The following CDT1 variants were observed in gnomAD, a reference collection of about 807,000 sequenced individuals.
CDT1 encodes DNA replication factor Cdt1.
CDT1 carries 66 observed loss-of-function variants against 49.3 expected under a neutral mutation model. That is an observed-to-expected ratio of 1.34 (90% CI 1.10 to 1.64). CDT1 has a LOEUF of 1.64. CDT1 is among the 40% of genes most tolerant of loss of function. The pLI is 0.00. For missense variants in CDT1, 958 were observed against 807.7 expected (o/e 1.19, Z -2.26); for synonymous variants, 424 against 347.4 (o/e 1.22, Z -2.45).
intron 1 of CDT1, 43 bp from the exon 2 acceptor site, chr16:88,804,502 C>A: frequency 6.2e-7 from 1 of 1,600,804 alleles, no homozygotes; most frequent in African/African-American, 1.3e-5. Context: ...GCCAGGAGCA[C>A]CAGGTCTTGT....
chr16:88,805,413 C>A (rs116067876), intron 3 of CDT1, 27 bp from the exon 4 acceptor site: 3 of 1,611,526 alleles, frequency 1.9e-6, no homozygotes, highest in Non-Finnish European at 2.5e-6. Flanking sequence ...CCTACTGCTT[C>A]TCATGAGGCT....
intron 3 of CDT1, 143 bp from the exon 4 acceptor site, chr16:88,805,297 C>A: frequency 1.1e-6 from 1 of 947,708 alleles, no homozygotes; most frequent in Non-Finnish European, 1.6e-6. Context: ...GGTGCCAGTG[C>A]TGGTGGGTGT....
In CDT1 at chr16:88,807,371, G is replaced by C. The variant is rs776599320; in HGVS notation, c.1366G>C (p.Glu456Gln). The change falls in exon 9 of 10, where the codon GAG (glutamate) becomes CAG (glutamine). Residue 456 changes from glutamate to glutamine, a missense_variant. By Grantham distance (29) the Glu-to-Gln change is conservative. Transcript: ENST00000301019. ...QRLQRLERLP[E>Q]LARVLRSVFV... ...GCTGCAGCGCTTAGAACGGCTGCCTGAGCTGGCCCGCGTGCTGCGGAGCGT... is the reference window on the plus strand; with the variant it reads ...GCTGCAGCGCTTAGAACGGCTGCCTCAGCTGGCCCGCGTGCTGCGGAGCGT... 6.2e-7 allele frequency: 1 copy of C among 1,612,650 alleles called. No homozygotes were observed. Among genetic ancestry groups the C allele is most frequent in the Non-Finnish European group, 8.5e-7 (1 of 1,179,952 alleles).
At chr16:88,806,942 A>G (rs1908878713) in intron 7 of CDT1, 109 bp from the exon 8 acceptor site, 7 of 1,442,104 alleles carry the variant, frequency 4.9e-6, no homozygotes, top group Non-Finnish European at 6.8e-6. Context: ...CAGACCACCC[A>G]GTGTGCTGGG....
chr16:88,804,782 G>A lies in CDT1; in HGVS notation c.372G>A (p.Ala124=). The A allele has an allele frequency of 6.2e-7, 1 of 1,612,850 alleles. No homozygotes were observed. Among genetic ancestry groups the A allele is most frequent in the Non-Finnish European group, 8.5e-7 (1 of 1,179,884 alleles). Residue 124 remains alanine (A), a synonymous_variant, in exon 3 of 10, where the codon GCG becomes GCA. Transcript: ENST00000301019. ...AQDQDTISEL[A]SCLQRARELG... is the part of the protein sequence containing the mutation. ...TGAAGGACACCATCTCTGAGCTTGCGTCATGCCTGCAACGGGCCCGGGAGC... is the reference window on the plus strand; with the variant it reads ...TGAAGGACACCATCTCTGAGCTTGCATCATGCCTGCAACGGGCCCGGGAGC...
At position 88,807,330 on chromosome 16, in the gene CDT1, C is replaced by G. The variant is rs200199040; in HGVS notation, c.1325C>G (p.Pro442Arg). 2 of 1,612,584 alleles carry G rather than the reference C, an allele frequency of 1.2e-6. No homozygotes were observed. Among genetic ancestry groups the G allele is most frequent in the Admixed American group, 1.7e-5 (1 of 60,012 alleles). Residue 442 changes from proline to arginine, a missense_variant, in exon 9 of 10, where the codon CCG (proline) becomes CGG (arginine). Coordinates refer to ENST00000301019, the MANE Select transcript of CDT1 (RefSeq NM_030928.4). ...QKQLAQMTRC[P>R]EQEQRLQRLE... The stretch of plus-strand genomic sequence containing the variant: ...CAGCTGGCACAGATGACGCGGTGCC[C>G]GGAGCAGGAGCAGCGGCTGCAGCGC...
Position 88,808,190 on chromosome 16 carries a change from A to G in CDT1, c.1553A>G (p.Asp518Gly), listed in dbSNP as rs1261380989. Residue 518 changes from aspartate to glycine, a missense_variant, in exon 10 of 10, where the codon GAC (aspartate) becomes GGC (glycine). Asp to Gly is a moderately conservative substitution (Grantham distance 94). Transcript: ENST00000301019. The part of the protein sequence containing the change: ...DWLSLHRIRT[D>G]TYVKLDKAAD... ...CTCAGCCTCCACCGCATCCGCACCG[A>G]CACCTACGTCAAGCTGGACAAGGCC... is the stretch of plus-strand genomic sequence containing the variant. The G allele has an allele frequency of 6.2e-7, 1 of 1,612,764 alleles. No homozygotes were observed. Among genetic ancestry groups the G allele is most frequent in the South Asian group, 1.1e-5 (1 of 91,040 alleles).
intron 3 of CDT1, among the ~76,000 whole-genome samples, 200 bp downstream of exon 3, chr16:88,805,098 C>T (rs1026065941): frequency 1.3e-5 from 2 of 152,248 alleles, no homozygotes; most frequent in African/African-American, 4.8e-5. Context: ...CTGCGGGGGG[C>T]AGCTCCTGCC....
chr16:88,808,283 G>T lies in CDT1; in HGVS notation c.*5G>T. ...CGTGCTGAGGAGGGGCTGTGAGCCT[G>T]GGGGCCACTGTGGACAGACGTGGGC... is the stretch of plus-strand genomic sequence containing the variant. On this transcript the variant is annotated 3_prime_UTR_variant, in exon 10 of 10. Transcript: ENST00000301019. 6.3e-7 allele frequency: 1 copy of T among 1,579,058 alleles called. No individual in the cohort carries two copies. The highest frequency in any genetic ancestry group is 8.6e-7 in the Non-Finnish European group (1 of 1,162,846).
rs1908821332 is a variant in CDT1, at chr16:88,805,594, ACCTTTGC to A, written c.645_651del (p.Phe216ArgfsTer9). The A allele has an allele frequency of 6.2e-7, 1 of 1,612,584 alleles. No homozygotes were observed. Among genetic ancestry groups the A allele is most frequent in the Non-Finnish European group, 8.5e-7 (1 of 1,179,956 alleles). ...GCTCCACAACCGCTCCGAGACGCCCACCTTTGCCAAGGTCCAGCGGGGCGTCCAGGAC... is the reference window on the plus strand; with the variant it reads ...GCTCCACAACCGCTCCGAGACGCCCACAAGGTCCAGCGGGGCGTCCAGGAC... On this transcript the variant is annotated frameshift_variant, in exon 4 of 10. Transcript: ENST00000301019. LOFTEE classifies it high-confidence loss of function.
Position 88,807,057 on chromosome 16 carries a change from A to C in CDT1, c.1129A>C (p.Lys377Gln). 6.2e-7 allele frequency: 1 copy of C among 1,612,860 alleles called. No individual in the cohort carries two copies. The highest frequency in any genetic ancestry group is 8.5e-7 in the Non-Finnish European group (1 of 1,179,946). The change falls in exon 8 of 10, where the codon AAG (lysine) becomes CAG (glutamine). Residue 377 changes from lysine (K) to glutamine (Q), a missense_variant. Lys to Gln is a moderately conservative substitution (Grantham distance 53). Transcript: ENST00000301019. ...ARNLISPRME[K>Q]ALSQLALRSA... Reference sequence around the variant, plus strand: ...CAACCTGTCCCTCCCGCAGATGGAGAAGGCCTTGAGTCAATTGGCCCTGCG... The same window carrying C: ...CAACCTGTCCCTCCCGCAGATGGAGCAGGCCTTGAGTCAATTGGCCCTGCG...
chr16:88,804,028 C>A lies in CDT1; in HGVS notation c.197C>A (p.Ala66Asp). 6.9e-7 allele frequency: 1 copy of A among 1,458,648 alleles called. No individual in the cohort carries two copies. 90.4% of individuals were successfully genotyped at this position (1,458,648 alleles called of 1,614,324 possible). ...GGACGCGACCAGGCCAGGCCACCGG[C>A]CCGCAGGAGACTGCGGCTGTCGGTG... ...APGRDQARPPARRRLRLSVDE... is the reference protein window; with the variant it reads ...APGRDQARPPDRRRLRLSVDE... The change falls in exon 1 of 10, where the codon GCC (alanine) becomes GAC (aspartate). Residue 66 changes from alanine (A) to aspartate (D), a missense_variant. Transcript: ENST00000301019.
At position 88,807,400 on chromosome 16, in the gene CDT1, T is replaced by C. The variant is rs747209207; in HGVS notation, c.1395T>C (p.Phe465=). 10 of 1,612,786 alleles carry C rather than the reference T, an allele frequency of 6.2e-6. No individual in the cohort carries two copies. Among genetic ancestry groups the C allele is most frequent in the Non-Finnish European group, 8.5e-6 (10 of 1,180,006 alleles). ...TGGCCCGCGTGCTGCGGAGCGTCTT[T>C]GTGTCCGAACGCAAGCCTGCGCTCA... The part of the protein sequence containing the change: ...PELARVLRSV[F]VSERKPALSM... Residue 465 remains phenylalanine, a synonymous_variant, in exon 9 of 10, where the codon TTT becomes TTC. Transcript: ENST00000301019.
At chr16:88,807,726 C>T (rs1908921630) in intron 9 of CDT1, among the ~76,000 whole-genome samples, 1 of 152,208 alleles carries the variant, frequency 6.6e-6, no homozygotes, top group Non-Finnish European at 1.5e-5. Flanking sequence ...CAGCTCTGGC[C>T]CTTTCCCTGA....
intron 1 of CDT1, among the ~76,000 whole-genome samples, chr16:88,804,260 G>C (rs1034762735): frequency 6.6e-6 from 1 of 151,696 alleles, no homozygotes; most frequent in African/African-American, 2.4e-5. Flanking sequence ...CTCCTGAGAT[G>C]AGCAGGAGGC....
At position 88,807,426 on chromosome 16, in the gene CDT1, G is replaced by C. The variant is rs1908907335; in HGVS notation, c.1421G>C (p.Ser474Thr). Residue 474 changes from serine to threonine, a missense_variant, in exon 9 of 10, where the codon AGC becomes ACC. Coordinates refer to ENST00000301019, the MANE Select transcript of CDT1 (RefSeq NM_030928.4). ...VFVSERKPAL[S>T]MEVACARMVG... is the part of the protein sequence containing the mutation. ...GTGTCCGAACGCAAGCCTGCGCTCA[G>C]CATGGAGGTGGCCTGTGCCAGGATG... The C allele has an allele frequency of 6.2e-7, 1 of 1,613,122 alleles. No homozygotes were observed. Among genetic ancestry groups the C allele is most frequent in the Non-Finnish European group, 8.5e-7 (1 of 1,180,002 alleles).
At chr16:88,806,323 A>G in intron 6 of CDT1, 163 bp from the exon 7 acceptor site, 2 of 1,027,960 alleles carry the variant, frequency 1.9e-6, no homozygotes, top group Non-Finnish European at 2.9e-6. Flanking sequence ...GCGAGCGCGG[A>G]CCATGGGAGG....
chr16:88,807,514 G>A (rs756263215), intron 9 of CDT1, 32 bp downstream of exon 9: 3 of 1,592,652 alleles, frequency 1.9e-6, no homozygotes, highest in Non-Finnish European at 1.7e-6. Context: ...GGGGCGTGCA[G>A]GGTGGAATTG....
rs751414235 is a variant in CDT1, at chr16:88,807,157, CCT to C, written c.1233_1234del (p.Pro412GlnfsTer44). The C allele has an allele frequency of 1.9e-6, 3 of 1,612,440 alleles. No homozygotes were observed. The highest frequency in any genetic ancestry group is 2.5e-6 in the Non-Finnish European group (3 of 1,179,872). ...ACCCCACCAGCCACCCCGCCTGCAG[CCT>C]CTCCCAGTGCTCTGAAGGGGGTGTC... On this transcript the variant is annotated frameshift_variant, in exon 8 of 10. Coordinates refer to ENST00000301019, the MANE Select transcript of CDT1 (RefSeq NM_030928.4). LOFTEE classifies it high-confidence loss of function.
Sources: gnomAD v4.1 joint callset for allele counts (sites outside exome capture counted in the v4.1 genomes callset) on GRCh38, gnomAD v4.1.1 for gene constraint, MANE v1.5 for transcripts, NCBI Gene and HGNC (gene_info 2026-07-23, HGNC 2026-07-21) for gene names.